ERICH3: variants seen among roughly 807,000 people sequenced by gnomAD.
ERICH3 encodes the protein glutamate-rich protein 3.
ERICH3 carries 126 observed loss-of-function variants against 131.1 expected under a neutral mutation model. The observed-to-expected ratio is 0.96, with a 90% confidence interval of 0.83 to 1.11. ERICH3 has a LOEUF of 1.11. ERICH3 is among the 50% of genes most tolerant of loss of function. The probability of loss-of-function intolerance (pLI) is 0.00; values close to 1 mark genes in which losing one functional copy is unlikely to be tolerated. For missense variants in ERICH3, 2,050 were observed against 1,810.7 expected, an observed-to-expected ratio of 1.13 and a Z score of -2.40; for synonymous variants, 695 against 644.6, an observed-to-expected ratio of 1.08 and a Z score of -1.18.
At chr1:74,590,107 G>C (rs1453195548) in intron 11 of ERICH3, 27 bp from the exon 12 acceptor site, 1 of 1,509,992 alleles carries the variant, frequency 6.6e-7, no homozygotes, top group Non-Finnish European at 8.9e-7. Flanking sequence ...TGATGACATT[G>C]TTGTTGTTCT....
At chr1:74,577,020 C>A in intron 12 of ERICH3, 84 bp from the exon 13 acceptor site, 1 of 1,260,702 alleles carries the variant, frequency 7.9e-7, no homozygotes, top group South Asian at 1.5e-5. Context: ...CCAGTTGGGT[C>A]AGTTAAGGCA....
intron 7 of ERICH3, among the ~76,000 whole-genome samples, chr1:74,629,204 A>T (rs1382660966): frequency 1.3e-5 from 2 of 151,750 alleles, no homozygotes; most frequent in Non-Finnish European, 2.9e-5. Flanking sequence ...AGGAGAAAAA[A>T]CTCAGTAGAA....
intron 1 of ERICH3, among the ~76,000 whole-genome samples, chr1:74,653,062 C>T (rs1484391690): frequency 6.6e-6 from 1 of 152,026 alleles, no homozygotes; most frequent in East Asian, 1.9e-4. Context: ...CCAGCTGCGG[C>T]CTTTCAGCAC....
Position 74,571,778 on chromosome 1 carries a change from T to C in ERICH3, c.3932A>G (p.Asp1311Gly). Reference sequence around the variant, plus strand: ...GTCCCCGTCCCCTTCCGAGTTCCTGTCCTGCATCGCTTCTGTCTCCAGAGT... The same window carrying C: ...GTCCCCGTCCCCTTCCGAGTTCCTGCCCTGCATCGCTTCTGTCTCCAGAGT... The part of the protein sequence containing the change: ...ECTLETEAMQ[D>G]RNSEGDGDME... The change falls in exon 14 of 15, where the codon GAC becomes GGC. Residue 1311 changes from aspartate to glycine, a missense_variant. Asp to Gly is a moderately conservative substitution (Grantham distance 94). Transcript: ENST00000326665. 6.2e-7 allele frequency: 1 copy of C among 1,614,100 alleles called. No individual in the cohort carries two copies. Among genetic ancestry groups the C allele is most frequent in the South Asian group, 1.1e-5 (1 of 91,078 alleles).
chr1:74,634,028 T>C (rs1646365213), intron 6 of ERICH3, among the ~76,000 whole-genome samples: 1 of 152,140 alleles, frequency 6.6e-6, no homozygotes, highest in Non-Finnish European at 1.5e-5. Context: ...AACCTACTTC[T>C]ATCTGTTGTA....
chr1:74,624,296 G>A (rs1185082752), intron 7 of ERICH3: 1 of 152,110 alleles, frequency 6.6e-6, no homozygotes, highest in Non-Finnish European at 1.5e-5. Context: ...TACAAAACCA[G>A]CCTGACCATA....
Position 74,571,609 on chromosome 1 carries a change from C to A in ERICH3, c.4101G>T (p.Glu1367Asp). The change falls in exon 14 of 15, where the codon GAG becomes GAT. Residue 1367 changes from glutamate to aspartate, a missense_variant. Physicochemically the swap from Glu to Asp is conservative, Grantham distance 45. Coordinates refer to ENST00000326665, the MANE Select transcript of ERICH3 (RefSeq NM_001002912.5). Reference sequence around the variant, plus strand: ...AGGCTTTATTTGCTATTGTTTTCTCCTCGGCTGTCTCCGAACCTGCCAACA... The same window carrying A: ...AGGCTTTATTTGCTATTGTTTTCTCATCGGCTGTCTCCGAACCTGCCAACA... ...REVLAGSETA[E>D]EKTIANKASS... The A allele has an allele frequency of 6.2e-7, 1 of 1,614,186 alleles. No homozygotes were observed. The highest frequency in any genetic ancestry group is 1.1e-5 in the South Asian group (1 of 91,082).
intron 1 of ERICH3, among the ~76,000 whole-genome samples, chr1:74,650,426 T>C (rs953235344): frequency 6.6e-6 from 1 of 152,168 alleles, no homozygotes; most frequent in Non-Finnish European, 1.5e-5. Context: ...TATGTATACA[T>C]GGTGCATGCA....
At chr1:74,642,574 C>T (rs1004742342) in intron 4 of ERICH3, among the ~76,000 whole-genome samples, 15 of 152,096 alleles carry the variant, frequency 9.9e-5, no homozygotes, top group African/African-American at 3.6e-4. Flanking sequence ...TACACTTTAT[C>T]ATGCTTTCTT....
intron 12 of ERICH3, chr1:74,577,224 C>A: frequency 7.8e-6 from 2 of 257,384 alleles, no homozygotes; most frequent in Non-Finnish European, 7.0e-6. Context: ...TACTTCTGGC[C>A]ATTCTATTCC....
Position 74,573,235 on chromosome 1 carries a change from A to G in ERICH3, c.2475T>C (p.Phe825=). ...TAEQPELAEE[F]TEKREIPPGI... ...CTGGAGGGATCTCCCTTTTTTCTGT[A>G]AACTCTTCTGCCAATTCTGGCTGCT... Residue 825 remains phenylalanine, a synonymous_variant, in exon 14 of 15, where the codon TTT becomes TTC. Coordinates refer to ENST00000326665, the MANE Select transcript of ERICH3 (RefSeq NM_001002912.5). The G allele has an allele frequency of 6.2e-7, 1 of 1,606,630 alleles. No homozygotes were observed. Among genetic ancestry groups the G allele is most frequent in the Non-Finnish European group, 8.5e-7 (1 of 1,176,836 alleles).
chr1:74,649,302 A>T lies in ERICH3; in HGVS notation c.37T>A (p.Tyr13Asn). The T allele has an allele frequency of 6.2e-7, 1 of 1,611,356 alleles. No individual in the cohort carries two copies. Among genetic ancestry groups the T allele is most frequent in the Non-Finnish European group, 8.5e-7 (1 of 1,178,646 alleles). ...AGGTGTTTATCCATAAGGCTATTAT[A>T]TGCAGCAAGTAACCTAAAATACAAA... ...HSHPAGLLAA[Y>N]NSLMDKHLAG... The change falls in exon 2 of 15, where the codon TAT becomes AAT. Residue 13 changes from tyrosine to asparagine, a missense_variant. Coordinates refer to ENST00000326665, the MANE Select transcript of ERICH3 (RefSeq NM_001002912.5).
chr1:74,650,889 AAGAGAG>A (rs138642191), intron 1 of ERICH3, among the ~76,000 whole-genome samples: 5 of 144,432 alleles, frequency 3.5e-5, no homozygotes, highest in East Asian at 2.0e-4. Flanking sequence ...TACACATAGA[AAGAGAG>A]AGAGAGAGAG....
chr1:74,668,795 T>C (rs1646715051), intron 1 of ERICH3, among the ~76,000 whole-genome samples: 1 of 152,194 alleles, frequency 6.6e-6, no homozygotes, highest in South Asian at 2.1e-4. Flanking sequence ...ATCAATTTAC[T>C]CCTTAATTTG....
intron 13 of ERICH3, among the ~76,000 whole-genome samples, chr1:74,575,655 A>T (rs1445567655): frequency 6.6e-6 from 1 of 152,236 alleles, no homozygotes; most frequent in Admixed American, 6.5e-5. Flanking sequence ...GTCAGTTATA[A>T]AAACATTTAA....
intron 10 of ERICH3, among the ~76,000 whole-genome samples, chr1:74,603,655 G>A (rs1648252673): frequency 6.6e-6 from 1 of 151,804 alleles, no homozygotes; most frequent in Non-Finnish European, 1.5e-5. Flanking sequence ...TTGCAATAAA[G>A]ATAGTGATAT....
At chr1:74,603,494 GTTA>G (rs1648241388) in intron 10 of ERICH3, among the ~76,000 whole-genome samples, 1 of 151,732 alleles carries the variant, frequency 6.6e-6, no homozygotes, top group Non-Finnish European at 1.5e-5. Context: ...CATTATTGTT[GTTA>G]TTGCTGCTTT....
intron 1 of ERICH3, among the ~76,000 whole-genome samples, chr1:74,655,905 G>T (rs1646579488): frequency 1.3e-5 from 2 of 152,246 alleles, no homozygotes; most frequent in Admixed American, 6.5e-5. Context: ...AATACTGGAG[G>T]CTGAGAAGTT....
intron 13 of ERICH3, 146 bp from the exon 14 acceptor site, chr1:74,573,637 C>G: frequency 9.9e-7 from 1 of 1,006,982 alleles, no homozygotes; most frequent in Non-Finnish European, 1.3e-6. Flanking sequence ...AAAACACTTT[C>G]TCCATTGTTT....
Sources: allele counts gnomAD v4.1 joint callset (sites outside exome capture counted in the v4.1 genomes callset), GRCh38; gene constraint gnomAD v4.1.1; transcripts MANE v1.5; gene names NCBI Gene and HGNC (gene_info 2026-07-23, HGNC 2026-07-21).